Variants in NAV2 observed in about 807,000 individuals in gnomAD.
NAV2 encodes neuron navigator 2.
NAV2 carries 54 observed loss-of-function variants against 223.2 expected under a neutral mutation model. The ratio of observed to expected loss-of-function variants is 0.24; its 90% confidence interval spans 0.19 to 0.30. The LOEUF (loss-of-function observed/expected upper bound fraction) is 0.30. Ranked by LOEUF, NAV2 falls within the 10% of genes least tolerant of loss-of-function variation. The pLI, the probability that NAV2 is intolerant of heterozygous loss-of-function variation, is 1.00. For missense variants in NAV2, 2,806 were observed against 3,147.5 expected (o/e 0.89, Z 2.60); for synonymous variants, 1,279 against 1,239.3 (o/e 1.03, Z -0.67).
intron 1 of NAV2, among the ~76,000 whole-genome samples, chr11:19,358,762 G>A (rs1853766553): frequency 6.6e-6 from 1 of 152,246 alleles, no homozygotes; most frequent in East Asian, 1.9e-4. Context: ...CTCTTACACA[G>A]AGGTGTGTGA....
At chr11:19,496,392 C>A (rs1320141614) in intron 1 of NAV2, among the ~76,000 whole-genome samples, 2 of 152,202 alleles carry the variant, frequency 1.3e-5, no homozygotes, top group African/African-American at 2.4e-5. Flanking sequence ...GGGCTGCATT[C>A]ATCTGGAGGC....
chr11:20,076,692 C>T (rs1205343147), intron 22 of NAV2, among the ~76,000 whole-genome samples: 1 of 152,180 alleles, frequency 6.6e-6, no homozygotes, highest in African/African-American at 2.4e-5. Flanking sequence ...TACCTCTTAC[C>T]CTTGAAGAGA....
intron 1 of NAV2, among the ~76,000 whole-genome samples, chr11:19,404,500 G>A (rs1024719046): frequency 6.6e-6 from 1 of 152,234 alleles, no homozygotes; most frequent in Non-Finnish European, 1.5e-5. Context: ...GGCCAATAGT[G>A]AGAAATCAAC....
chr11:19,711,237 G>T (rs1227396534), upstream of NAV2: 1 of 152,142 alleles, frequency 6.6e-6, no homozygotes, highest in Non-Finnish European at 1.5e-5. Flanking sequence ...GTTTCCTCTG[G>T]TCTGAGATCT....
At chr11:19,362,826 A>G (rs1469904481) in intron 1 of NAV2, among the ~76,000 whole-genome samples, 3 of 152,206 alleles carry the variant, frequency 2.0e-5, no homozygotes, top group African/African-American at 7.2e-5. Context: ...TAACATTTAG[A>G]AACATGCCTG....
At chr11:19,393,524 G>A (rs1849324658) in intron 1 of NAV2, among the ~76,000 whole-genome samples, 1 of 152,174 alleles carries the variant, frequency 6.6e-6, no homozygotes, top group Admixed American at 6.5e-5. Context: ...TAAAATATGA[G>A]CTATATCTGT....
intron 3 of NAV2, among the ~76,000 whole-genome samples, chr11:19,852,213 A>G (rs2061184471): frequency 6.6e-6 from 1 of 152,242 alleles, no homozygotes; most frequent in East Asian, 1.9e-4. Context: ...CAGCAGCAAT[A>G]GGAAACTAAT....
Position 19,604,152 on chromosome 11 carries a change from G to A in NAV2, c.76-228332G>A, listed in dbSNP as rs117559329. Among the ~76,000 whole-genome samples, 961 of 152,232 alleles carry A rather than the reference G, an allele frequency of 6.3e-3. 6 individuals are homozygous for A. Among genetic ancestry groups the A allele is most frequent in the Non-Finnish European group, 8.0e-3 (547 of 68,016 alleles). On this transcript the variant is annotated intron_variant, in intron 1 of 37. Coordinates refer to the NAV2 transcript ENST00000360655. ...TGTGAGTGAGATAGGGGGCTTTGGAGGGTTTTAAGCAGAGGAGAAACATCG... is the reference window on the plus strand; with the variant it reads ...TGTGAGTGAGATAGGGGGCTTTGGAAGGTTTTAAGCAGAGGAGAAACATCG...
chr11:20,083,316 C>A, intron 26 of NAV2, 137 bp downstream of exon 26: 1 of 647,744 alleles, frequency 1.5e-6, no homozygotes. Flanking sequence ...TGTGCATGTT[C>A]TTTCAATGCT....
Position 19,933,595 on chromosome 11 carries a change from A to G in NAV2, c.1351A>G (p.Thr451Ala), listed in dbSNP as rs1386487359. ...GGAGGCCGCCAGTCGCATGCTCACC[A>G]CCGTGGGCCCTGCTTCCAGCAGCCC... is the stretch of plus-strand genomic sequence containing the variant. Reference protein sequence around the residue: ...ELEAASRMLTTVGPASSSPKI... With the variant: ...ELEAASRMLTAVGPASSSPKI... Residue 451 changes from threonine (T) to alanine (A), a missense_variant, in exon 7 of 38, where the codon ACC (threonine) becomes GCC (alanine). Physicochemically the swap from Thr to Ala is moderately conservative, Grantham distance 58. Coordinates refer to ENST00000349880, the MANE Select transcript of NAV2 (RefSeq NM_145117.5). The surrounding 1 kb of genome is among the most constrained non-coding windows in gnomAD (Gnocchi z 4.3). 6.2e-7 allele frequency: 1 copy of G among 1,613,640 alleles called. No individual in the cohort carries two copies. Among genetic ancestry groups the G allele is most frequent in the Non-Finnish European group, 8.5e-7 (1 of 1,179,624 alleles).
chr11:19,527,014 C>T (rs544915718), intron 1 of NAV2, among the ~76,000 whole-genome samples: 2 of 152,216 alleles, frequency 1.3e-5, no homozygotes, highest in Admixed American at 1.3e-4. Context: ...TTTCTCCATG[C>T]TATGGCATCT....
chr11:19,900,345 C>G (rs541640161), intron 6 of NAV2, among the ~76,000 whole-genome samples: 20 of 133,298 alleles, frequency 1.5e-4, no homozygotes, highest in African/African-American at 4.5e-4. Context: ...TGGGGCCTTG[C>G]AATCAAAGAG....
At chr11:19,413,952 T>C (rs7395426) in intron 1 of NAV2, among the ~76,000 whole-genome samples, 105,961 of 151,836 alleles carry the variant, frequency 0.7, 37,021 homozygotes, top group Admixed American at 0.72. Context: ...CCAATACCAG[T>C]CCCTGCAAAA....
chr11:19,899,175 G>A (rs1285024926), intron 6 of NAV2, among the ~76,000 whole-genome samples: 11 of 152,122 alleles, frequency 7.2e-5, no homozygotes, highest in Admixed American at 7.2e-4. Flanking sequence ...TTTGTTCTGT[G>A]TCATTCCCTT....
chr11:20,075,769 A>G (rs7125801), intron 22 of NAV2, among the ~76,000 whole-genome samples: 3 of 147,608 alleles, frequency 2.0e-5, no homozygotes, highest in Non-Finnish European at 4.4e-5. Context: ...CGGCAAAAGC[A>G]TCTCCCCACC....
intron 1 of NAV2, among the ~76,000 whole-genome samples, chr11:19,629,790 A>C (rs2135482296): frequency 6.6e-6 from 1 of 152,220 alleles, no homozygotes; most frequent in African/African-American, 2.4e-5. Context: ...TTACTAAATC[A>C]CACCCTGCAC....
At chr11:19,380,968 T>C (rs1342969029) in intron 1 of NAV2, among the ~76,000 whole-genome samples, 1 of 148,442 alleles carries the variant, frequency 6.7e-6, no homozygotes, top group Non-Finnish European at 1.5e-5. Flanking sequence ...CCCCACCTCC[T>C]TCCACACACT....
At chr11:19,860,515 C>T (rs1178727907) in intron 3 of NAV2, among the ~76,000 whole-genome samples, 1 of 151,326 alleles carries the variant, frequency 6.6e-6, no homozygotes, top group Non-Finnish European at 1.5e-5. Context: ...GATGGGATGG[C>T]GGCTGGGCAG....
chr11:19,500,437 G>T (rs2042929350), intron 1 of NAV2, among the ~76,000 whole-genome samples: 1 of 152,194 alleles, frequency 6.6e-6, no homozygotes, highest in South Asian at 2.1e-4. Flanking sequence ...GCAATAAAAA[G>T]CTGATACACC....
Sources: gnomAD v4.1 joint callset for allele counts (sites outside exome capture counted in the v4.1 genomes callset) on GRCh38, gnomAD v4.1.1 for gene constraint, Gnocchi (gnomAD v3.1) non-coding constraint, MANE v1.5 for transcripts, NCBI Gene and HGNC (gene_info 2026-07-23, HGNC 2026-07-21) for gene names.